Variants in STRA6 observed in about 807,000 individuals in gnomAD.
The protein encoded by STRA6 is signaling receptor and transporter of retinol STRA6.
Under a neutral mutation model 83.6 loss-of-function variants are expected in STRA6, and 48 were observed. The observed-to-expected ratio is 0.57, with a 90% CI of 0.46 to 0.73. STRA6 has a LOEUF of 0.73. Among genes scored for constraint, STRA6 ranks in the 30% least tolerant of loss-of-function variants. STRA6 has a pLI of 0.00. For synonymous variants in STRA6, 353 were observed against 362.3 expected, an observed-to-expected ratio of 0.97 and a Z score of 0.29; for missense variants, 760 against 838.8, an observed-to-expected ratio of 0.91 and a Z score of 1.16.
Position 74,179,762 on chromosome 15 carries a change from C to T in STRA6, c.*318G>A, listed in dbSNP as rs537071899. 22 of 331,938 alleles carry T rather than the reference C, an allele frequency of 6.6e-5. No individual in the cohort carries two copies. The highest frequency in any genetic ancestry group is 9.1e-4 in the Middle Eastern group (1 of 1,100). The allele number at this position is 331,938 out of a possible 1,614,324, so 20.6% of individuals were successfully genotyped here. ...TTCCAGAGAAGGCTTCATCGAGGCCCTTCAAGGCTGATGGCAGAGCCAGGG... is the reference window on the plus strand; with the variant it reads ...TTCCAGAGAAGGCTTCATCGAGGCCTTTCAAGGCTGATGGCAGAGCCAGGG... On this transcript the variant is annotated 3_prime_UTR_variant, in exon 19 of 19. Coordinates refer to ENST00000395105, the MANE Select transcript of STRA6 (RefSeq NM_022369.4).
chr15:74,190,008 T>C (rs1463646210), intron 11 of STRA6, among the ~76,000 whole-genome samples: 1 of 152,152 alleles, frequency 6.6e-6, no homozygotes, highest in Non-Finnish European at 1.5e-5. Context: ...TTATAAGTAC[T>C]TTAGAGATAA....
rs767840779 is a variant in STRA6, at chr15:74,180,922, C to T, written c.1700G>A (p.Arg567Gln). Residue 567 changes from arginine to glutamine, a missense_variant, in exon 18 of 19, where the codon CGA (arginine) becomes CAA (glutamine). Coordinates refer to ENST00000395105, the MANE Select transcript of STRA6 (RefSeq NM_022369.4). ...GCTGACTTCAATCTTCAAGAAGTTTCGGTACGTGTAGTAGCCTGGGGTGGG... is the reference window on the plus strand; with the variant it reads ...GCTGACTTCAATCTTCAAGAAGTTTTGGTACGTGTAGTAGCCTGGGGTGGG... ...ATLDPGYYTY[R>Q]NFLKIEVSQS... 6.8e-6 allele frequency: 11 copies of T among 1,613,784 alleles called. No individual in the cohort carries two copies. Among genetic ancestry groups the T allele is most frequent in the African/African-American group, 4.0e-5 (3 of 74,866 alleles).
At position 74,184,900 on chromosome 15, in the gene STRA6, C is replaced by T; in HGVS notation, c.1166+80G>A. 5 of 1,447,318 alleles carry T rather than the reference C, an allele frequency of 3.5e-6. No individual in the cohort carries two copies. The South Asian group carries it at 3.6e-5, about 10-fold the overall frequency. 89.7% of individuals were successfully genotyped at this position (1,447,318 alleles called of 1,614,324 possible). On this transcript the variant is annotated intron_variant, in intron 13 of 18. Coordinates refer to ENST00000395105, the MANE Select transcript of STRA6 (RefSeq NM_022369.4). ...GGCAGAGCCCTTCCCTCCCTCCAGGCCCAGGGCCTCCCCGCAGGCCCACAG... is the reference window on the plus strand; with the variant it reads ...GGCAGAGCCCTTCCCTCCCTCCAGGTCCAGGGCCTCCCCGCAGGCCCACAG...
intron 1 of STRA6, 139 bp from the exon 2 acceptor site, chr15:74,202,421 T>C: frequency 6.5e-7 from 1 of 1,537,708 alleles, no homozygotes; most frequent in Non-Finnish European, 8.7e-7. Context: ...TTCTTACTTT[T>C]AGCTCTCTGG....
chr15:74,192,853 T>C (rs1270476365), intron 8 of STRA6, among the ~76,000 whole-genome samples: 1 of 152,164 alleles, frequency 6.6e-6, no homozygotes, highest in African/African-American at 2.4e-5. Context: ...CCCCGCCCCC[T>C]GCACCACAGT....
At chr15:74,195,806 G>T in intron 5 of STRA6, 131 bp from the exon 6 acceptor site, 1 of 922,356 alleles carries the variant, frequency 1.1e-6, no homozygotes, top group Non-Finnish European at 1.6e-6. Flanking sequence ...TTCCTCCATT[G>T]CAAAATGGGG....
upstream of STRA6, among the ~76,000 whole-genome samples, chr15:74,210,230 T>A (rs1369088440): frequency 6.6e-6 from 1 of 152,232 alleles, no homozygotes; most frequent in East Asian, 1.9e-4. Context: ...TGCATGCATA[T>A]ATATGGAGAC....
intron 11 of STRA6, among the ~76,000 whole-genome samples, 173 bp from the exon 12 acceptor site, chr15:74,189,450 T>C (rs2073423210): frequency 6.6e-6 from 1 of 152,130 alleles, no homozygotes; most frequent in Non-Finnish European, 1.5e-5. Flanking sequence ...ATGAGGACAT[T>C]ACAGACAGGT....
upstream of STRA6, chr15:74,203,047 A>G (rs2074158829): frequency 3.0e-6 from 3 of 985,760 alleles, no homozygotes; most frequent in Non-Finnish European, 3.6e-6. Flanking sequence ...CCTGCCCGCC[A>G]CATCTGCAGT....
chr15:74,182,970 A>G (rs992991294), intron 14 of STRA6: 3 of 181,254 alleles, frequency 1.7e-5, no homozygotes, highest in Non-Finnish European at 3.5e-5. Flanking sequence ...CTAGTAATTC[A>G]TCTACTCCTT....
chr15:74,180,904 T>C lies in STRA6; in HGVS notation c.1718A>G (p.Glu573Gly). Residue 573 changes from glutamate to glycine, a missense_variant, in exon 18 of 19, where the codon GAA becomes GGA. Glu to Gly is a moderately conservative substitution (Grantham distance 98). Transcript: ENST00000395105. ...YYTYRNFLKI[E>G]VSQSHPAMTA... Reference sequence around the variant, plus strand: ...CATGGCTGGATGCGACTGGCTGACTTCAATCTTCAAGAAGTTTCGGTACGT... The same window carrying C: ...CATGGCTGGATGCGACTGGCTGACTCCAATCTTCAAGAAGTTTCGGTACGT... 1 of 1,613,994 alleles carries C rather than the reference T, an allele frequency of 6.2e-7. No homozygotes were observed. The highest frequency in any genetic ancestry group is 8.5e-7 in the Non-Finnish European group (1 of 1,179,984).
At chr15:74,182,930 C>A in intron 14 of STRA6, 1 of 199,406 alleles carries the variant, frequency 5.0e-6, no homozygotes, top group South Asian at 9.6e-5. Flanking sequence ...GGCATAAGGG[C>A]TACCAAGAAG....
chr15:74,203,922 A>G (rs2074189182), upstream of STRA6, among the ~76,000 whole-genome samples: 1 of 152,148 alleles, frequency 6.6e-6, no homozygotes, highest in South Asian at 2.1e-4. Context: ...GGGGTGGGGG[A>G]AAGTGTGTTC....
At chr15:74,208,100 G>A (rs539493803) in intron 1 of STRA6, 2 of 1,142,206 alleles carry the variant, frequency 1.8e-6, no homozygotes, top group South Asian at 2.2e-5. Flanking sequence ...GGACACTGGT[G>A]AGGAGGAGGA....
At chr15:74,182,063 G>C in intron 16 of STRA6, 98 bp downstream of exon 16, 1 of 1,068,582 alleles carries the variant, frequency 9.4e-7, no homozygotes, top group Non-Finnish European at 1.4e-6. Context: ...TTGATAGAGA[G>C]AAGGGATAGA....
Position 74,202,218 on chromosome 15 carries a change from T to G in STRA6, c.50A>C (p.Asp17Ala), listed in dbSNP as rs746701574. The change falls in exon 2 of 19, where the codon GAC becomes GCC. Residue 17 changes from aspartate to alanine, a missense_variant. Transcript: ENST00000395105. ...GATGTACCAGCTGCCATAGGAGTAG[T>G]CCTCTGTGGCCCCGGGGGAGGTCTG... ...GNQTSPGATE[D>A]YSYGSWYIDE... The G allele has an allele frequency of 6.5e-6, 10 of 1,532,704 alleles. No homozygotes were observed. Among genetic ancestry groups the G allele is most frequent in the Non-Finnish European group, 8.7e-6 (10 of 1,145,426 alleles). 94.9% of individuals were successfully genotyped at this position (1,532,704 alleles called of 1,614,324 possible). A position where few individuals can be genotyped will look rare whatever the true frequency, so the allele number is the denominator to read the frequency against.
rs1567184861 is a variant in STRA6, at chr15:74,189,176, CA to C, written c.1028del (p.Val343GlyfsTer13). 6.2e-7 allele frequency: 1 copy of C among 1,614,126 alleles called. No homozygotes were observed. The highest frequency in any genetic ancestry group is 1.7e-5 in the Admixed American group (1 of 60,016). ...VSYLLAGFGI[V>X]LSEDKQEVVE... ...CCACCTCCTGCTTGTCCTCGGAGAG[CA>C]CGATTCCAAAGCCGGCCAGCAGGTA... On this transcript the variant is annotated frameshift_variant, in exon 12 of 19. Transcript: ENST00000395105. LOFTEE classifies it high-confidence loss of function.
upstream of STRA6, among the ~76,000 whole-genome samples, chr15:74,207,165 C>T (rs1202884190): frequency 2.0e-5 from 3 of 152,176 alleles, no homozygotes; most frequent in African/African-American, 4.8e-5. Flanking sequence ...TGCATTTCTG[C>T]GGGAGCCTGT....
upstream of STRA6, chr15:74,209,715 CT>C (rs2074341687): frequency 2.2e-6 from 1 of 451,692 alleles, no homozygotes; most frequent in Non-Finnish European, 3.9e-6. Flanking sequence ...CAGGCTCTCC[CT>C]ACCCCTCCCT....
Sources: allele counts gnomAD v4.1 joint callset (sites outside exome capture counted in the v4.1 genomes callset), GRCh38; gene constraint gnomAD v4.1.1; transcripts MANE v1.5; gene names NCBI Gene and HGNC (gene_info 2026-07-23, HGNC 2026-07-21).